MCTP1: variants seen among roughly 807,000 people sequenced by gnomAD.
The protein encoded by MCTP1 is multiple C2 and transmembrane domain-containing protein 1.
A neutral mutation model predicts 120.6 loss-of-function variants in MCTP1; 69 were observed. That is an observed-to-expected ratio of 0.57 (90% CI 0.47 to 0.70). The LOEUF is 0.70. Ranked by LOEUF, MCTP1 falls within the 30% of genes least tolerant of loss-of-function variation. MCTP1 has a pLI of 0.00. For missense variants in MCTP1, 1,203 were observed against 1,248.8 expected (o/e 0.96, Z 0.55); for synonymous variants, 529 against 493.1 (o/e 1.07, Z -0.96).
chr5:94,919,817 G>A (rs1017331662), intron 7 of MCTP1, among the ~76,000 whole-genome samples: 3 of 152,190 alleles, frequency 2.0e-5, no homozygotes, highest in African/African-American at 7.2e-5. Flanking sequence ...TCCAACAAGT[G>A]CATTTGTTCT....
At position 95,196,753 on chromosome 5, in the gene MCTP1, G is replaced by T. The variant is rs114710996; in HGVS notation, c.720+87103C>A. ...CAGGGGGAGAGTGTCCATCCTGAAG[G>T]AGTGCCTTTTACCAGCTGATGGAAT... is the stretch of plus-strand genomic sequence containing the variant. On this transcript the variant is annotated intron_variant, in intron 1 of 22. Transcript: ENST00000515393. 1.7e-3 allele frequency among the ~76,000 whole-genome samples: 261 copies of T among 152,296 alleles called. 2 individuals carry two copies. The highest frequency in any genetic ancestry group is 6.0e-3 in the African/African-American group (251 of 41,566).
chr5:95,150,161 CT>C (rs1369801655), intron 1 of MCTP1, among the ~76,000 whole-genome samples: 1 of 152,128 alleles, frequency 6.6e-6, no homozygotes, highest in Non-Finnish European at 1.5e-5. Flanking sequence ...TTGATGAAAA[CT>C]TTCTAAAGTG....
At chr5:94,724,944 C>A (rs1488191985) in intron 19 of MCTP1, among the ~76,000 whole-genome samples, 2 of 148,510 alleles carry the variant, frequency 1.3e-5, no homozygotes, top group African/African-American at 2.5e-5. Context: ...GAGGCTGAGG[C>A]TCCCAAGTAT....
rs771956780 is a variant in MCTP1, at chr5:95,201,654, G to A, written c.720+82202C>T. On this transcript the variant is annotated intron_variant, in intron 1 of 22. Coordinates refer to ENST00000515393, the MANE Select transcript of MCTP1 (RefSeq NM_024717.7). ...TGAGTAGCTGGGATTATAGGTGCCC[G>A]CCATCATGCCTGGCTAGTTTTTGTA... Among the ~76,000 whole-genome samples, 3 of 151,616 alleles carry A rather than the reference G, an allele frequency of 2.0e-5. No individual in the cohort carries two copies. The East Asian group carries it at 5.8e-4, about 30-fold the overall frequency.
intron 1 of MCTP1, among the ~76,000 whole-genome samples, chr5:95,235,990 T>C (rs547138546): frequency 2.2e-4 from 34 of 152,262 alleles, no homozygotes; most frequent in African/African-American, 8.2e-4. Context: ...TGAAGCAACA[T>C]TTATGGAAAG....
chr5:95,182,270 A>G (rs996710465), intron 1 of MCTP1, among the ~76,000 whole-genome samples: 2 of 152,162 alleles, frequency 1.3e-5, no homozygotes, highest in Non-Finnish European at 2.9e-5. Context: ...ACATCATGAT[A>G]TTGAAGGCAC....
intron 1 of MCTP1, among the ~76,000 whole-genome samples, chr5:95,194,265 GA>G (rs1190458836): frequency 6.6e-6 from 1 of 151,940 alleles, no homozygotes; most frequent in East Asian, 1.9e-4. Flanking sequence ...AAAGAGAAGA[GA>G]AGAGAAAACA....
chr5:95,275,797 C>A (rs1759779586), intron 1 of MCTP1, among the ~76,000 whole-genome samples: 1 of 151,982 alleles, frequency 6.6e-6, no homozygotes, highest in Admixed American at 6.6e-5. Flanking sequence ...CCACATGGAA[C>A]AGCACATCTC....
At chr5:94,833,693 G>C (rs1399060137) in intron 17 of MCTP1, among the ~76,000 whole-genome samples, 1 of 152,082 alleles carries the variant, frequency 6.6e-6, no homozygotes, top group Non-Finnish European at 1.5e-5. Context: ...GGCTACTCAA[G>C]TTATTTTTCC....
Position 95,284,374 on chromosome 5 carries a change from G to C in MCTP1, c.202C>G (p.Pro68Ala). The C allele has an allele frequency of 6.3e-7, 1 of 1,595,198 alleles. No homozygotes were observed. The highest frequency in any genetic ancestry group is 8.5e-7 in the Non-Finnish European group (1 of 1,178,776). The part of the protein sequence containing the change: ...PPPPVGTGNA[P>A]ARGSGAGSRW... ...CTGCCTGCACCACTCCCCCTGGCCG[G>C]TGCATTCCCTGTGCCCACCGGGGGT... is the stretch of plus-strand genomic sequence containing the variant. The change falls in exon 1 of 23, where the codon CCG becomes GCG. Residue 68 changes from proline to alanine, a missense_variant. Physicochemically the swap from Pro to Ala is conservative, Grantham distance 27. Around this residue, in one of 2 missense-constraint regions of MCTP1, gnomAD observed 463 missense variants for 377.8 expected, o/e 1.23. Transcript: ENST00000515393. This position sits in a 1 kb window ranked among gnomAD's most constrained non-coding sequence, Gnocchi z 5.2.
At chr5:94,842,084 C>G (rs1219484104) in intron 17 of MCTP1, among the ~76,000 whole-genome samples, 2 of 152,224 alleles carry the variant, frequency 1.3e-5, no homozygotes, top group South Asian at 2.1e-4. Context: ...AATTAACACA[C>G]AGTCATACGC....
chr5:95,072,421 T>G (rs145834665), intron 1 of MCTP1, among the ~76,000 whole-genome samples: 3 of 152,334 alleles, frequency 2.0e-5, no homozygotes, highest in African/African-American at 4.8e-5. Context: ...TACAAGCTTT[T>G]TCAATTTTTG....
intron 16 of MCTP1, among the ~76,000 whole-genome samples, chr5:94,869,847 A>G (rs1340526729): frequency 1.3e-5 from 2 of 152,088 alleles, no homozygotes; most frequent in African/African-American, 4.8e-5. Flanking sequence ...TGATAGAAAA[A>G]TCATATTTCC....
At chr5:95,280,501 G>A (rs140155469) in intron 1 of MCTP1, among the ~76,000 whole-genome samples, 61 of 152,156 alleles carry the variant, frequency 4.0e-4, no homozygotes, top group African/African-American at 1.0e-3. Flanking sequence ...TTAGTAACTC[G>A]TCAAGGCAGA....
At chr5:94,801,494 T>C (rs1011018290) in intron 17 of MCTP1, among the ~76,000 whole-genome samples, 5 of 152,248 alleles carry the variant, frequency 3.3e-5, no homozygotes, top group African/African-American at 1.2e-4. Flanking sequence ...CATTTGGCTA[T>C]GCAGTCATGA....
chr5:94,943,901 A>C (rs1173214125), intron 3 of MCTP1, among the ~76,000 whole-genome samples: 1 of 152,060 alleles, frequency 6.6e-6, no homozygotes, highest in Non-Finnish European at 1.5e-5. Context: ...TCTGCTCTTG[A>C]ATGGATGACC....
intron 3 of MCTP1, among the ~76,000 whole-genome samples, chr5:94,945,725 G>A (rs1212070258): frequency 2.6e-5 from 4 of 152,178 alleles, no homozygotes; most frequent in Non-Finnish European, 5.9e-5. Flanking sequence ...GGAGTGATGG[G>A]AACTACTATT....
intron 3 of MCTP1, among the ~76,000 whole-genome samples, chr5:94,948,523 C>A (rs1043406751): frequency 1.3e-5 from 2 of 152,042 alleles, no homozygotes; most frequent in African/African-American, 4.8e-5. Context: ...GTTTTTGAAT[C>A]ATGTGAAACA....
chr5:94,934,648 A>G (rs530976389), intron 5 of MCTP1, among the ~76,000 whole-genome samples: 171 of 151,962 alleles, frequency 1.1e-3, no homozygotes, highest in Admixed American at 2.0e-3. Context: ...TAAAGCATAC[A>G]TATATCAACT....
Sources: allele counts gnomAD v4.1 joint callset (sites outside exome capture counted in the v4.1 genomes callset), GRCh38; gene constraint gnomAD v4.1.1; regional missense constraint gnomAD v4.1.1; non-coding constraint Gnocchi (gnomAD v3.1); transcripts MANE v1.5; gene names NCBI Gene and HGNC (gene_info 2026-07-23, HGNC 2026-07-21).